EXT1: variants seen among roughly 807,000 people sequenced by gnomAD.
The protein encoded by EXT1 is exostosin-1.
A neutral mutation model predicts 82.5 loss-of-function variants in EXT1; 20 were observed. That is an observed-to-expected ratio of 0.24 (90% CI 0.17 to 0.35). EXT1 has a LOEUF of 0.35. Ranked by LOEUF, EXT1 falls within the 10% of genes least tolerant of loss-of-function variation. EXT1 has a pLI of 1.00. For synonymous variants in EXT1, 348 were observed against 350.8 expected, an observed-to-expected ratio of 0.99 and a Z score of 0.09; for missense variants, 757 against 936.5, an observed-to-expected ratio of 0.81 and a Z score of 2.50.
chr8:117,873,699 G>A (rs1393426077), intron 1 of EXT1, among the ~76,000 whole-genome samples: 8 of 152,040 alleles, frequency 5.3e-5, no homozygotes, highest in South Asian at 2.1e-4. Context: ...CATGTGATCT[G>A]CCCGCCTTGG....
intron 1 of EXT1, among the ~76,000 whole-genome samples, chr8:118,030,091 A>G (rs1816279635): frequency 6.6e-6 from 1 of 152,212 alleles, no homozygotes; most frequent in Non-Finnish European, 1.5e-5. Flanking sequence ...CACTCTGATA[A>G]TGATTAGATT....
At chr8:117,848,081 C>T (rs1812394401) in intron 1 of EXT1, among the ~76,000 whole-genome samples, 1 of 152,156 alleles carries the variant, frequency 6.6e-6, no homozygotes, top group African/African-American at 2.4e-5. Context: ...TGATATAGCA[C>T]ATTCACAAAA....
intron 1 of EXT1, among the ~76,000 whole-genome samples, chr8:118,053,346 C>T (rs1563641510): frequency 6.6e-6 from 1 of 152,154 alleles, no homozygotes; most frequent in African/African-American, 2.4e-5. Flanking sequence ...CCACGACTCC[C>T]TTCAGTAACA....
At chr8:118,037,838 T>G (rs1255514550) in intron 1 of EXT1, among the ~76,000 whole-genome samples, 2 of 139,156 alleles carry the variant, frequency 1.4e-5, no homozygotes, top group South Asian at 4.5e-4. Context: ...TGTTTTTTGT[T>G]TTTTTTTTTT....
intron 1 of EXT1, among the ~76,000 whole-genome samples, chr8:118,066,581 G>A (rs1340466281): frequency 6.6e-6 from 1 of 152,052 alleles, no homozygotes; most frequent in Non-Finnish European, 1.5e-5. Context: ...GGCTGGTCTT[G>A]AACAACTGGC....
chr8:117,802,097 T>C (rs776704154), intron 10 of EXT1, among the ~76,000 whole-genome samples: 7 of 152,160 alleles, frequency 4.6e-5, no homozygotes, highest in Non-Finnish European at 7.4e-5. Context: ...AATAAATTAA[T>C]GTGTATGATG....
At chr8:117,833,371 C>G (rs1812133237) in intron 3 of EXT1, among the ~76,000 whole-genome samples, 1 of 152,178 alleles carries the variant, frequency 6.6e-6, no homozygotes, top group South Asian at 2.1e-4. Flanking sequence ...AATCCCAGCA[C>G]TTTGGGAGGC....
rs1304277830 is a variant in EXT1 at position 117,937,980 on chromosome 8, T to A, written c.963-100779A>T. On this transcript the variant is annotated intron_variant, in intron 1 of 10. Transcript: ENST00000378204. ...AAACTGATAAAAATAAACAGCTCGT[T>A]TTGAGGGTATTCACTTCTGAAACTG... is the stretch of plus-strand genomic sequence containing the variant. Among the ~76,000 whole-genome samples, 3 of 152,336 alleles carry A rather than the reference T, an allele frequency of 2.0e-5. No homozygotes were observed. The East Asian group carries it at 5.8e-4, about 29-fold the overall frequency.
At chr8:117,843,103 G>GA (rs1472386922) in intron 1 of EXT1, among the ~76,000 whole-genome samples, 1 of 151,846 alleles carries the variant, frequency 6.6e-6, no homozygotes, top group Admixed American at 6.6e-5. Context: ...TATCCCTTAA[G>GA]AAAAAAAGAA....
At chr8:117,925,235 A>G (rs572450583) in intron 1 of EXT1, among the ~76,000 whole-genome samples, 4 of 152,150 alleles carry the variant, frequency 2.6e-5, no homozygotes, top group Non-Finnish European at 5.9e-5. Context: ...TGACAGGAAA[A>G]GGCTCTAAGA....
chr8:118,020,485 A>T (rs554282279), intron 1 of EXT1, among the ~76,000 whole-genome samples: 3 of 152,236 alleles, frequency 2.0e-5, no homozygotes, highest in Non-Finnish European at 4.4e-5. Flanking sequence ...CTATAAATCA[A>T]TGTTTAGTGC....
intron 1 of EXT1, among the ~76,000 whole-genome samples, chr8:117,917,489 A>C (rs2130004555): frequency 6.6e-6 from 1 of 152,288 alleles, no homozygotes; most frequent in Admixed American, 6.5e-5. Context: ...AAAAACCTTC[A>C]TCCTAACACA....
rs142041136 is a variant in EXT1 at position 118,076,871 on chromosome 8, CAAATAA to C, written c.962+33208_962+33213del. 7.8e-3 allele frequency among the ~76,000 whole-genome samples: 1,180 copies of C among 151,918 alleles called. 12 individuals carry two copies. The highest frequency in any genetic ancestry group is 0.027 in the African/African-American group (1,116 of 41,416). Reference sequence around the variant, plus strand: ...TAGAAAATCAAGAATTATTAATGAGCAAATAAAAATAGAGTAATAATAAAATATTTC... The same window carrying C: ...TAGAAAATCAAGAATTATTAATGAGCAAATAGAGTAATAATAAAATATTTC... On this transcript the variant is annotated intron_variant, in intron 1 of 10. Coordinates refer to ENST00000378204, the MANE Select transcript of EXT1 (RefSeq NM_000127.3).
At chr8:117,900,024 G>A (rs944823481) in intron 1 of EXT1, among the ~76,000 whole-genome samples, 1 of 152,232 alleles carries the variant, frequency 6.6e-6, no homozygotes, top group Non-Finnish European at 1.5e-5. Flanking sequence ...CTAAGAGACG[G>A]ATTTGCCGAG....
At chr8:117,846,586 A>G (rs1456568788) in intron 1 of EXT1, among the ~76,000 whole-genome samples, 1 of 152,204 alleles carries the variant, frequency 6.6e-6, no homozygotes, top group Non-Finnish European at 1.5e-5. Context: ...GAGGGGATTA[A>G]CAATAAAAGA....
intron 1 of EXT1, among the ~76,000 whole-genome samples, chr8:117,866,181 C>A (rs954974364): frequency 1.3e-5 from 2 of 152,104 alleles, no homozygotes; most frequent in East Asian, 1.9e-4. Context: ...GCTGAGATTG[C>A]GGCACTGCAC....
chr8:118,081,186 C>G (rs1407216240), intron 1 of EXT1, among the ~76,000 whole-genome samples: 2 of 152,188 alleles, frequency 1.3e-5, no homozygotes, highest in East Asian at 3.8e-4. Flanking sequence ...ATCAAATACT[C>G]ATAACCACTA....
chr8:117,910,294 G>A (rs1210026273), intron 1 of EXT1, among the ~76,000 whole-genome samples: 1 of 152,172 alleles, frequency 6.6e-6, no homozygotes. Context: ...GGGCTGCCAG[G>A]AGGAAGGCAA....
chr8:117,930,193 C>T (rs933657537), intron 1 of EXT1, among the ~76,000 whole-genome samples: 19 of 152,052 alleles, frequency 1.2e-4, no homozygotes, highest in African/African-American at 4.3e-4. Context: ...GACTACCTAT[C>T]ACTCATTGTC....
Sources: allele counts gnomAD v4.1 joint callset (sites outside exome capture counted in the v4.1 genomes callset), GRCh38; gene constraint gnomAD v4.1.1; transcripts MANE v1.5; gene names NCBI Gene and HGNC (gene_info 2026-07-23, HGNC 2026-07-21).